CDH13: variants seen among roughly 807,000 people sequenced by gnomAD.
CDH13 encodes the protein cadherin-13.
CDH13 carries 24 observed loss-of-function variants against 63.8 expected under a neutral mutation model. The observed-to-expected ratio is 0.38, with a 90% CI of 0.27 to 0.53. The LOEUF (loss-of-function observed/expected upper bound fraction) is 0.53, where lower values mean the gene tolerates loss of function less well. CDH13 is among the 20% of genes least tolerant of loss of function. The pLI is 0.85. For synonymous variants in CDH13, 503 were observed against 355.3 expected (o/e 1.42, Z -4.67); for missense variants, 1,049 against 903.1 (o/e 1.16, Z -2.07).
rs151178645 is a variant in CDH13, at chr16:83,560,457, G to A, written c.961-41997G>A. Among the ~76,000 whole-genome samples, 1,390 of 152,316 alleles carry A rather than the reference G, an allele frequency of 9.1e-3. 21 individuals carry two copies. Among genetic ancestry groups the A allele is most frequent in the African/African-American group, 0.031 (1,292 of 41,558 alleles). On this transcript the variant is annotated intron_variant, in intron 7 of 13. Coordinates refer to ENST00000567109, the MANE Select transcript of CDH13 (RefSeq NM_001257.5). The stretch of plus-strand genomic sequence containing the variant: ...AATATTGCACGTTACCACATATGCA[G>A]TGAATCTAAAATGGTCAAACTCATG...
Position 83,345,189 on chromosome 16 carries a change from G to T in CDH13, c.781+183G>T, listed in dbSNP as rs112901279. Among the ~76,000 whole-genome samples the T allele has an allele frequency of 3.3e-5, 5 of 152,316 alleles. 1 individual carries two copies. The highest frequency in any genetic ancestry group is 1.2e-4 in the African/African-American group (5 of 41,562). On this transcript the variant is annotated intron_variant, in intron 6 of 13. Coordinates refer to ENST00000567109, the MANE Select transcript of CDH13 (RefSeq NM_001257.5). ...AAGTGCAAAGCTTGACCGAGGTGTTGCAAGCTACGGAAATCTCTTTCATTG... is the reference window on the plus strand; with the variant it reads ...AAGTGCAAAGCTTGACCGAGGTGTTTCAAGCTACGGAAATCTCTTTCATTG...
chr16:82,655,305 A>G (rs1911171726), intron 1 of CDH13, among the ~76,000 whole-genome samples: 2 of 152,218 alleles, frequency 1.3e-5, no homozygotes, highest in African/African-American at 4.8e-5. Flanking sequence ...AAAAGGGTAA[A>G]GTGTGACGAA....
chr16:83,485,485 C>G (rs1185186297), intron 6 of CDH13, among the ~76,000 whole-genome samples: 1 of 152,120 alleles, frequency 6.6e-6, no homozygotes, highest in Non-Finnish European at 1.5e-5. Context: ...ACCATGTTAC[C>G]CTCATTTTAT....
At chr16:83,406,932 G>A (rs1478374053) in intron 6 of CDH13, among the ~76,000 whole-genome samples, 1 of 152,182 alleles carries the variant, frequency 6.6e-6, no homozygotes, top group African/African-American at 2.4e-5. Context: ...AGCTACTATT[G>A]TTAAAATTAG....
intron 1 of CDH13, among the ~76,000 whole-genome samples, chr16:82,664,697 C>T (rs567715050): frequency 1.8e-4 from 27 of 152,274 alleles, no homozygotes; most frequent in Admixed American, 1.6e-3. Flanking sequence ...CTTGTTAATA[C>T]TTGCTTATTA....
chr16:82,994,489 CCTTTCATCGTAAT>C (rs1459083544), intron 2 of CDH13, among the ~76,000 whole-genome samples: 1 of 152,176 alleles, frequency 6.6e-6, no homozygotes, highest in African/African-American at 2.4e-5. Context: ...GAGAGCGTAG[CCTTTCATCGTAAT>C]CTCCCAACCT....
intron 5 of CDH13, among the ~76,000 whole-genome samples, chr16:83,236,405 C>G (rs2040145116): frequency 1.3e-5 from 2 of 152,166 alleles, no homozygotes; most frequent in Admixed American, 6.5e-5. Context: ...ACATATTACA[C>G]ACTTTTAAGA....
At chr16:83,032,971 A>G (rs990718651) in intron 3 of CDH13, among the ~76,000 whole-genome samples, 4 of 152,204 alleles carry the variant, frequency 2.6e-5, no homozygotes, top group African/African-American at 7.2e-5. Flanking sequence ...GTATGTGTAC[A>G]TATGTGTACA....
chr16:82,824,789 C>G (rs1022309854), intron 1 of CDH13: 2 of 152,164 alleles, frequency 1.3e-5, no homozygotes, highest in African/African-American at 2.4e-5. Flanking sequence ...ATCTTTGGTT[C>G]TAATTTGGAT....
intron 3 of CDH13, among the ~76,000 whole-genome samples, chr16:83,107,136 T>G (rs1267891866): frequency 1.3e-5 from 2 of 152,128 alleles, no homozygotes; most frequent in Admixed American, 1.3e-4. Context: ...TGAGAAGAGT[T>G]TCCTACATTA....
At chr16:83,305,358 T>G (rs928639264) in intron 5 of CDH13, among the ~76,000 whole-genome samples, 9 of 152,232 alleles carry the variant, frequency 5.9e-5, no homozygotes, top group South Asian at 2.1e-4. Flanking sequence ...AAGGAACTGT[T>G]GACCACAGAA....
intron 6 of CDH13, among the ~76,000 whole-genome samples, chr16:83,483,472 T>A (rs908624469): frequency 3.9e-5 from 6 of 152,160 alleles, no homozygotes; most frequent in African/African-American, 1.4e-4. Flanking sequence ...AGGTCTTTTT[T>A]TTTTTTTTCT....
intron 3 of CDH13, among the ~76,000 whole-genome samples, chr16:83,080,131 A>G (rs2033131874): frequency 6.6e-6 from 1 of 152,150 alleles, no homozygotes; most frequent in South Asian, 2.1e-4. Flanking sequence ...CTTTTGCAGA[A>G]GGGAGTAACA....
chr16:82,662,805 G>A (rs1912117021), intron 1 of CDH13, among the ~76,000 whole-genome samples: 1 of 152,132 alleles, frequency 6.6e-6, no homozygotes, highest in African/African-American at 2.4e-5. Context: ...GGGCTTCTCT[G>A]CCATTTAGAA....
At chr16:82,653,686 G>T (rs538855061) in intron 1 of CDH13, among the ~76,000 whole-genome samples, 5 of 152,266 alleles carry the variant, frequency 3.3e-5, no homozygotes, top group Admixed American at 2.0e-4. Flanking sequence ...CGATGTGCAT[G>T]TCATGTTGAG....
At chr16:83,231,755 A>C (rs1025570548) in intron 5 of CDH13, among the ~76,000 whole-genome samples, 1 of 152,142 alleles carries the variant, frequency 6.6e-6, no homozygotes, top group Non-Finnish European at 1.5e-5. Context: ...ACCCCGGACT[A>C]GATGAACCCT....
intron 7 of CDH13, among the ~76,000 whole-genome samples, chr16:83,514,182 C>T (rs1419360468): frequency 6.6e-6 from 1 of 152,190 alleles, no homozygotes; most frequent in Non-Finnish European, 1.5e-5. Context: ...ACAATTACTC[C>T]ATGCAATAAA....
chr16:82,703,675 G>T (rs915904645), intron 1 of CDH13, among the ~76,000 whole-genome samples: 3 of 152,124 alleles, frequency 2.0e-5, no homozygotes, highest in Admixed American at 1.3e-4. Context: ...AGGGAGAATG[G>T]TAGAAACAGG....
At chr16:82,974,540 C>A (rs1243306491) in intron 2 of CDH13, among the ~76,000 whole-genome samples, 1 of 152,116 alleles carries the variant, frequency 6.6e-6, no homozygotes, top group Non-Finnish European at 1.5e-5. Flanking sequence ...TACCTAGAAA[C>A]TGCAAATATG....
Sources: allele counts gnomAD v4.1 joint callset (sites outside exome capture counted in the v4.1 genomes callset), GRCh38; gene constraint gnomAD v4.1.1; transcripts MANE v1.5; gene names NCBI Gene and HGNC (gene_info 2026-07-23, HGNC 2026-07-21).